The following HK1 variants were observed in gnomAD, a reference collection of about 807,000 sequenced individuals.
HK1 encodes the protein hexokinase 1.
Under a neutral mutation model 91.6 loss-of-function variants are expected in HK1, and 28 were observed. That is an observed-to-expected ratio of 0.31 (90% CI 0.23 to 0.42). The LOEUF (loss-of-function observed/expected upper bound fraction) is 0.42. Among genes scored for constraint, HK1 ranks in the 10% least tolerant of loss-of-function variants. The pLI is 1.00. For synonymous variants in HK1, 430 were observed against 468.1 expected, an observed-to-expected ratio of 0.92 and a Z score of 1.05; for missense variants, 770 against 1,219.8, an observed-to-expected ratio of 0.63 and a Z score of 5.49.
chr10:69,333,769 G>A (rs114706986), intron 1 of HK1, among the ~76,000 whole-genome samples: 2,667 of 152,212 alleles, frequency 0.018, 61 homozygotes, highest in South Asian at 0.045. Flanking sequence ...AGCACCCAGC[G>A]TGGGCCCTGT....
Position 69,360,025 on chromosome 10 carries a change from G to C in HK1, c.355G>C (p.Val119Leu). 6.2e-7 allele frequency: 1 copy of C among 1,614,120 alleles called. No individual in the cohort carries two copies. Among genetic ancestry groups the C allele is most frequent in the South Asian group, 1.1e-5 (1 of 91,080 alleles). The part of the protein sequence containing the change: ...SEVYDTPENI[V>L]HGSGSQLFDH... ...GGTTTATGACACCCCAGAGAACATC[G>C]TGCACGGCAGTGGAAGCCAGGTGGG... is the stretch of plus-strand genomic sequence containing the variant. Residue 119 changes from valine to leucine, a missense_variant, in exon 3 of 18, where the codon GTG (valine) becomes CTG (leucine). By Grantham distance (32) the Val-to-Leu change is conservative. Transcript: ENST00000359426.
intron 1 of HK1, among the ~76,000 whole-genome samples, chr10:69,342,435 C>A (rs114184835): frequency 6.6e-6 from 1 of 152,064 alleles, no homozygotes; most frequent in Admixed American, 6.6e-5. Flanking sequence ...TTGATTTGAA[C>A]CTTGAAGGTT....
chr10:69,351,700 T>C (rs938613815), intron 2 of HK1, among the ~76,000 whole-genome samples: 5 of 152,216 alleles, frequency 3.3e-5, no homozygotes, highest in African/African-American at 1.2e-4. Flanking sequence ...GGTTATACAT[T>C]ATGGCTTCGG....
chr10:69,364,425 G>A (rs770376414), intron 3 of HK1, among the ~76,000 whole-genome samples: 9 of 152,144 alleles, frequency 5.9e-5, no homozygotes, highest in Non-Finnish European at 1.0e-4. Flanking sequence ...CCTGGTGGCT[G>A]GTGGAGATCC....
chr10:69,311,637 T>C (rs528806719), upstream of HK1, among the ~76,000 whole-genome samples: 9 of 152,144 alleles, frequency 5.9e-5, no homozygotes, highest in South Asian at 1.9e-3. Flanking sequence ...CAGGATACAA[T>C]TCTTTCTTTT....
intron 1 of HK1, chr10:69,338,587 G>A (rs1848120655): frequency 7.8e-7 from 1 of 1,289,432 alleles, no homozygotes; most frequent in African/African-American, 1.5e-5. Context: ...TGTGGGGAGG[G>A]ATTCTTCGGG....
chr10:69,351,705 C>T (rs67100710), intron 2 of HK1, among the ~76,000 whole-genome samples: 16,492 of 152,126 alleles, frequency 0.11, 1,483 homozygotes, highest in African/African-American at 0.24. Flanking sequence ...TACATTATGG[C>T]TTCGGATTCA....
chr10:69,294,861 C>A (rs1289341103), intron 3 of HK1, among the ~76,000 whole-genome samples: 1 of 150,938 alleles, frequency 6.6e-6, no homozygotes, highest in Non-Finnish European at 1.5e-5. Flanking sequence ...GACTCCATCT[C>A]AATAAATAAA....
upstream of HK1, chr10:69,315,805 G>C: frequency 1.3e-6 from 1 of 766,748 alleles, no homozygotes. Context: ...TGAGGGGTTG[G>C]GGGTGGGATG....
intron 4 of HK1, among the ~76,000 whole-genome samples, chr10:69,368,008 A>G (rs1221676491): frequency 6.6e-6 from 1 of 152,228 alleles, no homozygotes; most frequent in African/African-American, 2.4e-5. Flanking sequence ...GCTGGTGAAG[A>G]GGCACAAATC....
At chr10:69,277,972 G>GAACC (rs1409647380) in intron 1 of HK1, among the ~76,000 whole-genome samples, 6 of 152,048 alleles carry the variant, frequency 3.9e-5, no homozygotes, top group African/African-American at 1.2e-4. Context: ...GGCGAAGGTT[G>GAACC]CAGTGAGCCG....
chr10:69,366,105 A>G (rs1472529134), intron 4 of HK1, among the ~76,000 whole-genome samples: 1 of 152,138 alleles, frequency 6.6e-6, no homozygotes, highest in Non-Finnish European at 1.5e-5. Flanking sequence ...TGCTGGGATT[A>G]CAGACGTGAG....
upstream of HK1, among the ~76,000 whole-genome samples, chr10:69,311,422 T>A (rs553284395): frequency 6.6e-6 from 1 of 152,320 alleles, no homozygotes; most frequent in African/African-American, 2.4e-5. Context: ...GACTTTTTCC[T>A]GGCCCTGTGA....
intron 3 of HK1, among the ~76,000 whole-genome samples, chr10:69,361,949 C>G (rs188778261): frequency 1.7e-4 from 26 of 152,276 alleles, no homozygotes; most frequent in African/African-American, 6.3e-4. Flanking sequence ...TCCCAAATAG[C>G]TGGAATTACA....
chr10:69,363,646 T>TGGAGA (rs1849549662), intron 3 of HK1, among the ~76,000 whole-genome samples: 1 of 152,172 alleles, frequency 6.6e-6, no homozygotes, highest in Non-Finnish European at 1.5e-5. Context: ...CCCAAAGTAT[T>TGGAGA]GGGATTACAG....
chr10:69,301,363 C>A (rs1845855385), intron 5 of HK1, among the ~76,000 whole-genome samples: 1 of 150,632 alleles, frequency 6.6e-6, no homozygotes, highest in Non-Finnish European at 1.5e-5. Flanking sequence ...CACCTGAGGT[C>A]AGAAGTTTGC....
At chr10:69,370,135 C>T (rs1849921624) in intron 7 of HK1, among the ~76,000 whole-genome samples, 1 of 152,218 alleles carries the variant, frequency 6.6e-6, no homozygotes, top group African/African-American at 2.4e-5. Context: ...ATAATCTTCT[C>T]TTTGTTTAAT....
At chr10:69,332,871 C>T (rs1214447315) in intron 1 of HK1, among the ~76,000 whole-genome samples, 1 of 152,116 alleles carries the variant, frequency 6.6e-6, no homozygotes, top group Non-Finnish European at 1.5e-5. Context: ...ACGGCAGCTT[C>T]CTGGCTAACA....
chr10:69,277,403 A>G (rs1844525252), intron 1 of HK1, among the ~76,000 whole-genome samples: 1 of 152,042 alleles, frequency 6.6e-6, no homozygotes, highest in Non-Finnish European at 1.5e-5. Flanking sequence ...CCCCGCCTCT[A>G]TTAAAAATAC....
Sources: allele counts gnomAD v4.1 joint callset (sites outside exome capture counted in the v4.1 genomes callset), GRCh38; gene constraint gnomAD v4.1.1; transcripts MANE v1.5; gene names NCBI Gene and HGNC (gene_info 2026-07-23, HGNC 2026-07-21).